Variants in ARHGAP6 observed in about 807,000 individuals in gnomAD.
The protein encoded by ARHGAP6 is Rho GTPase activating protein 6, also known as rho GTPase-activating protein 6.
A neutral mutation model predicts 55.7 loss-of-function variants in ARHGAP6; 16 were observed. The ratio of observed to expected loss-of-function variants is 0.29; its 90% CI spans 0.19 to 0.44. The LOEUF is 0.44. ARHGAP6 is among the 20% of genes least tolerant of loss of function. The pLI is 1.00. For synonymous variants in ARHGAP6, 382 were observed against 360.9 expected, an observed-to-expected ratio of 1.06 and a Z score of -0.66; for missense variants, 698 against 808.9, an observed-to-expected ratio of 0.86 and a Z score of 1.66.
At chrX:11,229,727 C>T (rs2047100964) in intron 2 of ARHGAP6, among the ~76,000 whole-genome samples, 1 of 111,884 alleles carries the variant, frequency 8.9e-6, no homozygotes, top group African/African-American at 3.2e-5. Flanking sequence ...AAATTCCATT[C>T]ATGAATTGTT....
At chrX:11,381,216 G>A (rs771785118) in intron 1 of ARHGAP6, among the ~76,000 whole-genome samples, 4 of 112,472 alleles carry the variant, frequency 3.6e-5, no homozygotes, top group African/African-American at 9.7e-5. Context: ...CTACCTAGAA[G>A]GGTAAGTTTC....
intron 6 of ARHGAP6, 48 bp downstream of exon 6, chrX:11,182,010 TAATTC>T (rs1313164071): frequency 2.0e-6 from 2 of 1,019,038 alleles, no homozygotes; most frequent in Non-Finnish European, 2.7e-6. Context: ...TTGCAAAAGG[TAATTC>T]AATTGAAAGT....
intron 12 of ARHGAP6, among the ~76,000 whole-genome samples, chrX:11,139,824 G>A (rs1158857500): frequency 1.8e-5 from 2 of 112,447 alleles, no homozygotes; most frequent in African/African-American, 6.5e-5. Context: ...TGTGTTTCAG[G>A]AAAGGGCCCC....
rs193016820 is a variant in ARHGAP6 at position 11,179,606 on chromosome X, G to A, written c.1330-154C>T. The stretch of plus-strand genomic sequence containing the variant: ...AACAACATCCTCACCTTGATCTGCC[G>A]AGTTGACACAGTCCAGCTATGAATA... On this transcript the variant is annotated intron_variant, in intron 6 of 12. Coordinates refer to ENST00000337414, the MANE Select transcript of ARHGAP6 (RefSeq NM_013427.3). Among the ~76,000 whole-genome samples the A allele has an allele frequency of 7.3e-4, 79 of 108,565 alleles. No individual in the cohort carries two copies. In the East Asian group the frequency reaches 0.019, roughly 27 times the overall value. The allele number at this position is 108,565 out of a possible 115,157, so 94.3% of individuals were successfully genotyped here. A position where few individuals can be genotyped will look rare whatever the true frequency, so the allele number is the denominator to read the frequency against.
At position 11,178,093 on chromosome X, in the gene ARHGAP6, A is replaced by T. The variant is rs756146880; in HGVS notation, c.1629+7T>A. 3.5e-5 allele frequency: 42 copies of T among 1,209,403 alleles called. No individual in the cohort carries two copies. The highest frequency in any genetic ancestry group is 2.8e-5 in the Non-Finnish European group (25 of 895,015). ...TCACGGCATCTATGGCAGCAAAGGCATCTTACCTCTTGCCCATCTTTGCTG... is the reference window on the plus strand; with the variant it reads ...TCACGGCATCTATGGCAGCAAAGGCTTCTTACCTCTTGCCCATCTTTGCTG... On this transcript the variant is annotated splice_region_variant and intron_variant, in intron 8 of 12. Coordinates refer to ENST00000337414, the MANE Select transcript of ARHGAP6 (RefSeq NM_013427.3).
At chrX:11,370,717 A>G (rs945274474) in intron 1 of ARHGAP6, among the ~76,000 whole-genome samples, 3 of 111,644 alleles carry the variant, frequency 2.7e-5, no homozygotes, top group East Asian at 5.6e-4. Flanking sequence ...ACTTGCTTAG[A>G]CCATAGTACC....
intron 1 of ARHGAP6, among the ~76,000 whole-genome samples, chrX:11,308,773 C>G (rs1258905806): frequency 8.9e-6 from 1 of 112,219 alleles, no homozygotes; most frequent in East Asian, 2.8e-4. Context: ...ACCCATGCAA[C>G]AGTAACATTA....
At chrX:11,255,609 T>C (rs1296712227) in intron 1 of ARHGAP6, among the ~76,000 whole-genome samples, 1 of 111,474 alleles carries the variant, frequency 9.0e-6, no homozygotes, top group Non-Finnish European at 1.9e-5. Flanking sequence ...TTAAACTCTA[T>C]GCTAATATTG....
At chrX:11,614,275 G>C (rs2052137463) in intron 1 of ARHGAP6, among the ~76,000 whole-genome samples, 1 of 111,770 alleles carries the variant, frequency 8.9e-6, no homozygotes, top group Non-Finnish European at 1.9e-5. Context: ...TCCGTTCTCA[G>C]GTTGCTATAA....
At chrX:11,571,075 C>T (rs2051509611) in intron 1 of ARHGAP6, among the ~76,000 whole-genome samples, 1 of 111,830 alleles carries the variant, frequency 8.9e-6, no homozygotes, top group Non-Finnish European at 1.9e-5. Context: ...GAAAATGACA[C>T]TGCTAGGGTC....
At chrX:11,542,904 A>C (rs980210484) in intron 1 of ARHGAP6, among the ~76,000 whole-genome samples, 3 of 111,533 alleles carry the variant, frequency 2.7e-5, no homozygotes, top group Non-Finnish European at 5.6e-5. Context: ...AAAATAGGCC[A>C]GGAGAGCAAA....
chrX:11,515,177 A>C (rs754609399), intron 1 of ARHGAP6, among the ~76,000 whole-genome samples: 1 of 112,054 alleles, frequency 8.9e-6, no homozygotes, highest in South Asian at 3.7e-4. Context: ...ATTGTCTTAC[A>C]TTGCTCTCTG....
At chrX:11,456,827 C>A (rs921676239) in intron 1 of ARHGAP6, among the ~76,000 whole-genome samples, 1 of 112,020 alleles carries the variant, frequency 8.9e-6, no homozygotes, top group East Asian at 2.8e-4. Context: ...AAATAGAAAA[C>A]GTGTCTTGCC....
At chrX:11,321,116 A>C (rs2048427591) in intron 1 of ARHGAP6, among the ~76,000 whole-genome samples, 1 of 112,147 alleles carries the variant, frequency 8.9e-6, no homozygotes, top group Admixed American at 9.5e-5. Context: ...GCTACAATAC[A>C]AAAGTCTGCA....
At chrX:11,662,434 A>G (rs1021276008) in intron 1 of ARHGAP6, among the ~76,000 whole-genome samples, 8 of 112,015 alleles carry the variant, frequency 7.1e-5, no homozygotes, top group Non-Finnish European at 1.5e-4. Flanking sequence ...ATACACACAT[A>G]TTCTATGAGA....
chrX:11,395,055 A>G (rs1452003306), intron 1 of ARHGAP6, among the ~76,000 whole-genome samples: 3 of 112,311 alleles, frequency 2.7e-5, no homozygotes, highest in Non-Finnish European at 5.6e-5. Context: ...AGTTGTCACA[A>G]AAATTCTGGA....
chrX:11,282,707 A>G (rs1214699998), intron 1 of ARHGAP6, among the ~76,000 whole-genome samples: 1 of 112,365 alleles, frequency 8.9e-6, no homozygotes, highest in Admixed American at 9.4e-5. Flanking sequence ...CAGGGGATTC[A>G]AAAACATAGC....
chrX:11,426,774 T>G (rs1396291651), intron 1 of ARHGAP6, among the ~76,000 whole-genome samples: 1 of 109,437 alleles, frequency 9.1e-6, no homozygotes, highest in Admixed American at 9.9e-5. Flanking sequence ...ATCTAGTATC[T>G]GGATTTGGTC....
chrX:11,165,355 G>T (rs1014909444), intron 9 of ARHGAP6, among the ~76,000 whole-genome samples: 3 of 111,080 alleles, frequency 2.7e-5, no homozygotes, highest in African/African-American at 9.8e-5. Context: ...GGTAATAAAT[G>T]CTATGGAATA....
Sources: allele counts gnomAD v4.1 joint callset (sites outside exome capture counted in the v4.1 genomes callset), GRCh38; gene constraint gnomAD v4.1.1; transcripts MANE v1.5; gene names NCBI Gene and HGNC (gene_info 2026-07-23, HGNC 2026-07-21).